TECTB: variants seen among roughly 807,000 people sequenced by gnomAD.
TECTB encodes the protein tectorin beta, also known as beta-tectorin.
A neutral mutation model predicts 43.3 loss-of-function variants in TECTB; 45 were observed. That is an observed-to-expected ratio of 1.04 (90% CI 0.82 to 1.33). The LOEUF (loss-of-function observed/expected upper bound fraction) is 1.33, where lower values mean the gene tolerates loss of function less well. TECTB is among the 40% of genes most tolerant of loss of function. The pLI is 0.00. For missense variants in TECTB, 399 were observed against 404.7 expected (o/e 0.99, Z 0.12); for synonymous variants, 169 against 156.7 (o/e 1.08, Z -0.59).
At chr10:112,285,374 G>C (rs7087238) in intron 3 of TECTB, among the ~76,000 whole-genome samples, 133 of 152,260 alleles carry the variant, frequency 8.7e-4, no homozygotes, top group African/African-American at 3.0e-3. Flanking sequence ...CTGCCAGAAG[G>C]CTGTGCATCT....
At chr10:112,285,323 C>T (rs746395002) in intron 3 of TECTB, among the ~76,000 whole-genome samples, 12 of 152,144 alleles carry the variant, frequency 7.9e-5, no homozygotes, top group Non-Finnish European at 1.5e-4. Context: ...GGCTAGGTCT[C>T]CCAACCTCCC....
At position 112,286,110 on chromosome 10, in the gene TECTB, T is replaced by G; in HGVS notation, c.307T>G (p.Ser103Ala). Reference protein sequence around the residue: ...PIYHFYSHIVSNDTTVIVKNQ... With the variant: ...PIYHFYSHIVANDTTVIVKNQ... Reference sequence around the variant, plus strand: ...CTATCACTTCTACAGTCACATCGTTTCCAATGACACCACAGTGATTGTAAA... The same window carrying G: ...CTATCACTTCTACAGTCACATCGTTGCCAATGACACCACAGTGATTGTAAA... Residue 103 changes from serine to alanine, a missense_variant, in exon 4 of 11, where the codon TCC (serine) becomes GCC (alanine). Coordinates refer to ENST00000646139, the MANE Select transcript of TECTB (RefSeq NM_058222.3). 1.9e-6 allele frequency: 3 copies of G among 1,614,136 alleles called. No individual in the cohort carries two copies. Among genetic ancestry groups the G allele is most frequent in the Non-Finnish European group, 2.5e-6 (3 of 1,179,990 alleles).
chr10:112,303,406 A>C lies in TECTB; in HGVS notation c.*94A>C. ...TGCTGCCAAAAAGAACAAACAGAAG[A>C]CCACATTGTTGGGGGGCAGAGAATA... On this transcript the variant is annotated 3_prime_UTR_variant, in exon 11 of 11. Transcript: ENST00000646139. The C allele has an allele frequency of 1.3e-6, 2 of 1,507,018 alleles. No homozygotes were observed. Among genetic ancestry groups the C allele is most frequent in the Non-Finnish European group, 1.8e-6 (2 of 1,083,840 alleles). The allele number at this position is 1,507,018 out of a possible 1,614,324, so 93.4% of individuals were successfully genotyped here.
intron 9 of TECTB, among the ~76,000 whole-genome samples, chr10:112,300,625 C>T (rs1338802990): frequency 1.3e-5 from 2 of 152,154 alleles, no homozygotes; most frequent in African/African-American, 2.4e-5. Context: ...ATCCAAAATC[C>T]GAATGCTCCC....
chr10:112,284,764 A>G, intron 3 of TECTB, 39 bp downstream of exon 3: 1 of 1,427,970 alleles, frequency 7.0e-7, no homozygotes, highest in Non-Finnish European at 9.3e-7. Context: ...GTTTAAGGTA[A>G]GGCAACTGGA....
intron 10 of TECTB, 80 bp from the exon 11 acceptor site, chr10:112,303,183 G>A: frequency 1.3e-6 from 2 of 1,536,246 alleles, no homozygotes; most frequent in South Asian, 2.2e-5. Flanking sequence ...GAAGACCCCT[G>A]AGTTAACTCT....
intron 7 of TECTB, among the ~76,000 whole-genome samples, 172 bp downstream of exon 7, chr10:112,294,233 G>A (rs1022516835): frequency 2.0e-5 from 3 of 152,168 alleles, no homozygotes; most frequent in Middle Eastern, 3.2e-3. Flanking sequence ...AGGACATAGT[G>A]CATTCTAGGG....
intron 9 of TECTB, among the ~76,000 whole-genome samples, chr10:112,300,306 A>G (rs1848597041): frequency 8.2e-6 from 1 of 122,646 alleles, no homozygotes; most frequent in Non-Finnish European, 1.7e-5. Flanking sequence ...AAAGAAAGAA[A>G]GAAAGAAAGA....
At chr10:112,288,903 G>A (rs560122620) in intron 5 of TECTB, among the ~76,000 whole-genome samples, 98 of 152,288 alleles carry the variant, frequency 6.4e-4, no homozygotes, top group African/African-American at 2.1e-3. Flanking sequence ...AAATAAGGAA[G>A]GTAGTTGGCT....
intron 10 of TECTB, 168 bp downstream of exon 10, chr10:112,302,301 T>C: frequency 1.4e-6 from 1 of 695,796 alleles, no homozygotes; most frequent in Non-Finnish European, 2.3e-6. Context: ...GAGGTCTCCC[T>C]CTGACCAGCC....
chr10:112,292,530 G>T (rs1406748660), intron 5 of TECTB, among the ~76,000 whole-genome samples: 2 of 152,114 alleles, frequency 1.3e-5, no homozygotes, highest in Non-Finnish European at 2.9e-5. Context: ...CACCTCCCAG[G>T]TTCAAGAGAT....
rs370143375 is a variant in TECTB, at chr10:112,288,960, C to G, written c.483+2569C>G. 2.1e-4 allele frequency among the ~76,000 whole-genome samples: 32 copies of G among 152,322 alleles called. 1 individual carries two copies. The South Asian group carries it at 6.6e-3, about 32-fold the overall frequency. ...TGGTTAAGAAAATGGGCCTTCTCAA[C>G]AGACCACTAGTTTGAAGCCTTGTTC... On this transcript the variant is annotated intron_variant, in intron 5 of 10. Coordinates refer to ENST00000646139, the MANE Select transcript of TECTB (RefSeq NM_058222.3).
chr10:112,302,586 T>G (rs1848621163), intron 10 of TECTB: 1 of 367,700 alleles, frequency 2.7e-6, no homozygotes, highest in Non-Finnish European at 4.8e-6. Flanking sequence ...TGCCCCTATC[T>G]ACATGGCTGT....
chr10:112,286,467 T>G (rs1199036489), intron 5 of TECTB, 76 bp downstream of exon 5: 2 of 1,473,104 alleles, frequency 1.4e-6, no homozygotes, highest in African/African-American at 2.8e-5. Context: ...TTCCTCGGGA[T>G]TCAGTCTTCC....
chr10:112,301,954 G>A (rs559659600), intron 9 of TECTB, 147 bp from the exon 10 acceptor site: 27 of 820,500 alleles, frequency 3.3e-5, no homozygotes, highest in Non-Finnish European at 4.3e-5. Flanking sequence ...CAAGTGACCC[G>A]CCCACCTGGG....
intron 8 of TECTB, among the ~76,000 whole-genome samples, chr10:112,298,864 T>C (rs1564709943): frequency 6.6e-6 from 1 of 152,216 alleles, no homozygotes. Context: ...ACTGTTCTCC[T>C]TTCTGGTCTC....
At chr10:112,297,122 G>T (rs1228799369) in intron 7 of TECTB, among the ~76,000 whole-genome samples, 1 of 152,160 alleles carries the variant, frequency 6.6e-6, no homozygotes, top group Non-Finnish European at 1.5e-5. Context: ...TGAAACTAGG[G>T]TTTCTCAATG....
chr10:112,297,260 G>T (rs1246447794), intron 7 of TECTB, among the ~76,000 whole-genome samples: 1 of 152,020 alleles, frequency 6.6e-6, no homozygotes, highest in African/African-American at 2.4e-5. Flanking sequence ...CCCCCAGCCT[G>T]GACAATCACA....
In TECTB at chr10:112,283,498, T is replaced by C; in HGVS notation, c.-88+2T>C. The C allele has an allele frequency of 1.9e-6, 1 of 535,432 alleles. No homozygotes were observed. Among genetic ancestry groups the C allele is most frequent in the Non-Finnish European group, 3.3e-6 (1 of 302,286 alleles). 33.2% of individuals were successfully genotyped at this position (535,432 alleles called of 1,614,324 possible). On this transcript the variant is annotated splice_donor_variant, in intron 1 of 10. Coordinates refer to ENST00000646139, the MANE Select transcript of TECTB (RefSeq NM_058222.3). LOFTEE classifies it low-confidence loss of function (5UTR_SPLICE). ...CATGTGTCATTGACGCTTCCAACGG[T>C]ATGAGCCCCACTTTTTGCCTCTCAG...
Sources: gnomAD v4.1 joint callset for allele counts (sites outside exome capture counted in the v4.1 genomes callset) on GRCh38, gnomAD v4.1.1 for gene constraint, MANE v1.5 for transcripts, NCBI Gene and HGNC (gene_info 2026-07-23, HGNC 2026-07-21) for gene names.